Variants in RRAGC observed in about 807,000 individuals in gnomAD.
RRAGC encodes Ras related GTP binding C.
A neutral mutation model predicts 37.1 loss-of-function variants in RRAGC; 8 were observed. The ratio of observed to expected loss-of-function variants is 0.22; its 90% CI spans 0.13 to 0.39. RRAGC has a LOEUF of 0.39. RRAGC is among the 10% of genes least tolerant of loss of function. The probability of loss-of-function intolerance (pLI) is 1.00; values close to 1 mark genes in which losing one functional copy is unlikely to be tolerated. For synonymous variants in RRAGC, 190 were observed against 181.1 expected, an observed-to-expected ratio of 1.05 and a Z score of -0.39; for missense variants, 342 against 497.6, an observed-to-expected ratio of 0.69 and a Z score of 2.98.
chr1:38,846,219 G>C, intron 5 of RRAGC, 132 bp from the exon 6 acceptor site: 2 of 725,042 alleles, frequency 2.8e-6, no homozygotes, highest in Non-Finnish European at 4.6e-6. Flanking sequence ...CATATTGGGA[G>C]AGAGTGTTGT....
rs561817680 is a variant in RRAGC at position 38,840,097 on chromosome 1, A to G, written c.1049-393T>C. On this transcript the variant is annotated intron_variant, in intron 6 of 6. Coordinates refer to ENST00000373001, the MANE Select transcript of RRAGC (RefSeq NM_022157.4). ...TGGGAGGCAAAGCTTGCAGTGAGCCAAGATTGCACCATTGCATTCCAGCCT... is the reference window on the plus strand; with the variant it reads ...TGGGAGGCAAAGCTTGCAGTGAGCCGAGATTGCACCATTGCATTCCAGCCT... 1.2e-3 allele frequency among the ~76,000 whole-genome samples: 189 copies of G among 151,556 alleles called. 1 individual carries two copies. The highest frequency in any genetic ancestry group is 2.1e-3 in the Non-Finnish European group (141 of 67,850).
Position 38,857,002 on chromosome 1 carries a change from A to C in RRAGC, c.318T>G (p.Asn106Lys), listed in dbSNP as rs747369869. The C allele has an allele frequency of 1.2e-6, 2 of 1,613,924 alleles. No individual in the cohort carries two copies. The highest frequency in any genetic ancestry group is 1.7e-6 in the Non-Finnish European group (2 of 1,179,930). ...TNKIYKDDIS[N>K]SSFVNFQIWD... Reference sequence around the variant, plus strand: ...ATATCTGGAAATTCACAAAGGAGCTATTGGAAATGTCATCCTTATAAATCT... The same window carrying C: ...ATATCTGGAAATTCACAAAGGAGCTCTTGGAAATGTCATCCTTATAAATCT... The change falls in exon 2 of 7, where the codon AAT becomes AAG. Residue 106 changes from asparagine to lysine, a missense_variant. By Grantham distance (94) the Asn-to-Lys change is moderately conservative. Around this residue, in one of 3 missense-constraint regions of RRAGC, gnomAD observed 134 missense variants for 277.2 expected, o/e 0.48. Transcript: ENST00000373001.
At chr1:38,848,655 A>G (rs1055418335) in intron 5 of RRAGC, among the ~76,000 whole-genome samples, 16 of 152,208 alleles carry the variant, frequency 1.1e-4, no homozygotes, top group Non-Finnish European at 2.1e-4. Flanking sequence ...ACAGTTTTTA[A>G]GACTATTAGG....
intron 5 of RRAGC, chr1:38,847,087 G>A (rs1306344020): frequency 6.6e-6 from 1 of 152,048 alleles, no homozygotes; most frequent in Admixed American, 6.5e-5. Flanking sequence ...TCCAGCCTGA[G>A]TGACAGAGCA....
chr1:38,857,414 G>T (rs896922444), intron 1 of RRAGC, among the ~76,000 whole-genome samples: 2 of 152,190 alleles, frequency 1.3e-5, no homozygotes, highest in African/African-American at 2.4e-5. Flanking sequence ...TCTGCTTTAA[G>T]ATTATAAAAG....
chr1:38,857,065 CATCTT>C lies in RRAGC; in HGVS notation c.250_254del (p.Lys84ValfsTer16), dbSNP rs1264584976. 6 of 1,612,846 alleles carry C rather than the reference CATCTT, an allele frequency of 3.7e-6. No homozygotes were observed. In the Admixed American group the frequency reaches 1.0e-4, roughly 27 times the overall value. On this transcript the variant is annotated frameshift_variant, in exon 2 of 7. Transcript: ENST00000373001. LOFTEE classifies it high-confidence loss of function. ...CCAAAAAGAGGGTCTCGTTGGGTGA[CATCTT>C]ATGAAACACCACCTGTTAAAAGAAA...
At chr1:38,850,826 A>G (rs1642092384) in intron 5 of RRAGC, among the ~76,000 whole-genome samples, 1 of 148,080 alleles carries the variant, frequency 6.8e-6, no homozygotes, top group African/African-American at 2.6e-5. Flanking sequence ...AGAGAATGTT[A>G]TTAACTCTTT....
intron 5 of RRAGC, chr1:38,847,972 C>G (rs888022722): frequency 6.9e-6 from 1 of 145,230 alleles, no homozygotes; most frequent in Non-Finnish European, 1.5e-5. Context: ...CCCAGGAGGT[C>G]GAGGCTGCAG....
rs1291478148 is a variant in RRAGC at position 38,839,631 on chromosome 1, G to T, written c.1122C>A (p.His374Gln). Residue 374 changes from histidine to glutamine, a missense_variant, in exon 7 of 7, where the codon CAC (histidine) becomes CAA (glutamine). By Grantham distance (24) the His-to-Gln change is conservative. Transcript: ENST00000373001. ...HEVFEVGVTS[H>Q]RSCGHQTSAS... ...CACTAGTCTGGTGACCACAGCTCCT[G>T]TGAGAAGTCACACCCACCTCAAAAA... 2 of 1,614,058 alleles carry T rather than the reference G, an allele frequency of 1.2e-6. No homozygotes were observed. The highest frequency in any genetic ancestry group is 1.3e-5 in the African/African-American group (1 of 74,916).
chr1:38,841,024 G>A (rs890802543), intron 6 of RRAGC, among the ~76,000 whole-genome samples: 2 of 152,178 alleles, frequency 1.3e-5, no homozygotes, highest in Non-Finnish European at 2.9e-5. Context: ...GATACCTACT[G>A]AAATCTGCAG....
intron 6 of RRAGC, among the ~76,000 whole-genome samples, chr1:38,845,144 TA>T (rs1186547935): frequency 1.3e-5 from 2 of 152,220 alleles, no homozygotes; most frequent in Non-Finnish European, 2.9e-5. Context: ...CAAGGGATTA[TA>T]AACCATTCTA....
chr1:38,846,458 C>T (rs1285119698), intron 5 of RRAGC: 1 of 57,588 alleles, frequency 1.7e-5, no homozygotes, highest in African/African-American at 1.1e-4. Context: ...CTTTACTGCC[C>T]TAAGGTAACA....
chr1:38,841,874 C>T (rs1271714210), intron 6 of RRAGC, among the ~76,000 whole-genome samples: 1 of 152,170 alleles, frequency 6.6e-6, no homozygotes, highest in Non-Finnish European at 1.5e-5. Flanking sequence ...CGGTGGCTCA[C>T]GCCTATAATC....
At chr1:38,852,136 G>A (rs947371751) in intron 4 of RRAGC, among the ~76,000 whole-genome samples, 1 of 152,172 alleles carries the variant, frequency 6.6e-6, no homozygotes, top group Non-Finnish European at 1.5e-5. Context: ...CAAGAAAGGC[G>A]TTATGTGGCA....
At chr1:38,851,872 A>C in intron 4 of RRAGC, 115 bp from the exon 5 acceptor site, 1 of 852,668 alleles carries the variant, frequency 1.2e-6, no homozygotes. Flanking sequence ...TATATAACCC[A>C]ATACCAAAAA....
At chr1:38,841,807 G>C (rs942521738) in intron 6 of RRAGC, among the ~76,000 whole-genome samples, 2 of 152,098 alleles carry the variant, frequency 1.3e-5, no homozygotes, top group Non-Finnish European at 2.9e-5. Context: ...AACACAGCAA[G>C]ATTCCCATCT....
intron 3 of RRAGC, among the ~76,000 whole-genome samples, chr1:38,854,065 CTTTTTTTTTTT>C: frequency 1.3e-5 from 1 of 74,820 alleles, no homozygotes; most frequent in East Asian, 3.0e-4. Context: ...AAATAAAAGT[CTTTTTTTTTTT>C]TTTTTTTTTG....
At position 38,851,716 on chromosome 1, in the gene RRAGC, G is replaced by A; in HGVS notation, c.798C>T (p.Ser266=). Residue 266 remains serine (S), a synonymous_variant, in exon 5 of 7, where the codon AGC becomes AGT. Coordinates refer to ENST00000373001, the MANE Select transcript of RRAGC (RefSeq NM_022157.4). ...IEKAFLFDVV[S]KIYIATDSSP... is the part of the protein sequence containing the mutation. ...AACTGTCTGTTGCAATGTAGATTTT[G>A]CTGACAACATCAAAGAGAAAAGCTT... 1 of 1,608,134 alleles carries A rather than the reference G, an allele frequency of 6.2e-7. No homozygotes were observed. The highest frequency in any genetic ancestry group is 8.5e-7 in the Non-Finnish European group (1 of 1,178,322).
At chr1:38,840,163 A>G (rs977801297) in intron 6 of RRAGC, among the ~76,000 whole-genome samples, 16 of 151,636 alleles carry the variant, frequency 1.1e-4, no homozygotes, top group African/African-American at 3.9e-4. Flanking sequence ...AAAAAAAAAA[A>G]AAAGAACAGC....
Sources: allele counts gnomAD v4.1 joint callset (sites outside exome capture counted in the v4.1 genomes callset), GRCh38; gene constraint gnomAD v4.1.1; regional missense constraint gnomAD v4.1.1; transcripts MANE v1.5; gene names NCBI Gene and HGNC (gene_info 2026-07-23, HGNC 2026-07-21).